PKHD1: variants seen among roughly 807,000 people sequenced by gnomAD.
The protein encoded by PKHD1 is PKHD1 ciliary IPT domain containing fibrocystin/polyductin.
In PKHD1, 291 loss-of-function variants were observed where a neutral mutation model predicts 412.0. The ratio of observed to expected loss-of-function variants is 0.71; its 90% CI spans 0.64 to 0.78. PKHD1 has a LOEUF of 0.78. Ranked by LOEUF, PKHD1 falls within the 30% of genes least tolerant of loss-of-function variation. The probability of loss-of-function intolerance (pLI) is 0.00; values close to 1 mark genes in which losing one functional copy is unlikely to be tolerated. For missense variants in PKHD1, 4,825 were observed against 4,950.7 expected, an observed-to-expected ratio of 0.97 and a Z score of 0.76; for synonymous variants, 1,777 against 1,821.5, an observed-to-expected ratio of 0.98 and a Z score of 0.62.
intron 63 of PKHD1, among the ~76,000 whole-genome samples, chr6:51,644,759 A>G (rs981865054): frequency 6.6e-6 from 1 of 152,198 alleles, no homozygotes; most frequent in South Asian, 2.1e-4. Flanking sequence ...GGCTCACTGC[A>G]ACCTCCACCT....
At chr6:51,701,373 A>G (rs569963703) in intron 60 of PKHD1, among the ~76,000 whole-genome samples, 3 of 152,266 alleles carry the variant, frequency 2.0e-5, no homozygotes, top group Admixed American at 6.6e-5. Flanking sequence ...TCATTCACAG[A>G]TGTCACCAAC....
chr6:51,646,005 C>G (rs1770037432), intron 63 of PKHD1, among the ~76,000 whole-genome samples: 1 of 152,160 alleles, frequency 6.6e-6, no homozygotes, highest in African/African-American at 2.4e-5. Context: ...TCTTGGGACA[C>G]TTTTTAAATT....
intron 60 of PKHD1, among the ~76,000 whole-genome samples, chr6:51,686,339 C>T (rs966770938): frequency 1.3e-5 from 2 of 152,130 alleles, no homozygotes; most frequent in African/African-American, 4.8e-5. Flanking sequence ...TCTGCTAATT[C>T]CCTTCCTGGT....
At chr6:51,748,831 A>T (rs1433631001) in intron 57 of PKHD1, among the ~76,000 whole-genome samples, 166 bp from the exon 58 acceptor site, 2 of 152,216 alleles carry the variant, frequency 1.3e-5, no homozygotes, top group Non-Finnish European at 2.9e-5. Context: ...AAAATGTAGG[A>T]ATCATTACAA....
Position 52,043,685 on chromosome 6 carries a change from A to G in PKHD1, c.2761T>C (p.Cys921Arg). 6.2e-7 allele frequency: 1 copy of G among 1,613,660 alleles called. No homozygotes were observed. Among genetic ancestry groups the G allele is most frequent in the Non-Finnish European group, 8.5e-7 (1 of 1,179,606 alleles). ...GACCCTTGGAGGTACTGGAAAGAGC[A>G]GGAACCTGGGCAATGAGCTGGTACA... ...NDVPAHCPGSCSFQYLQGSTP... is the reference protein window; with the variant it reads ...NDVPAHCPGSRSFQYLQGSTP... Residue 921 changes from cysteine (C) to arginine (R), a missense_variant, in exon 26 of 67, where the codon TGC becomes CGC. Physicochemically the swap from Cys to Arg is radical, Grantham distance 180. Coordinates refer to ENST00000371117, the MANE Select transcript of PKHD1 (RefSeq NM_138694.4).
intron 53 of PKHD1, among the ~76,000 whole-genome samples, chr6:51,781,808 T>C (rs1792060428): frequency 6.6e-6 from 1 of 152,064 alleles, no homozygotes; most frequent in South Asian, 2.1e-4. Context: ...AAGCTCTTCC[T>C]AGCAAGTAAT....
chr6:51,955,802 T>A (rs930104119), intron 36 of PKHD1, among the ~76,000 whole-genome samples: 5 of 152,080 alleles, frequency 3.3e-5, no homozygotes, highest in Non-Finnish European at 2.9e-5. Context: ...TCGGTTAAAA[T>A]CTTTTGAAGA....
intron 60 of PKHD1, among the ~76,000 whole-genome samples, chr6:51,667,713 G>A (rs368422242): frequency 6.7e-6 from 1 of 149,096 alleles, no homozygotes; most frequent in African/African-American, 2.5e-5. Flanking sequence ...ATCTTGAATT[G>A]ATTTTTGTAT....
At position 52,028,242 on chromosome 6, in the gene PKHD1, C is replaced by T. The variant is rs886061619; in HGVS notation, c.3474G>A (p.Trp1158Ter). Residue 1158 changes from tryptophan to a stop codon, truncating the protein, a stop_gained, in exon 30 of 67, where the codon TGG becomes TGA. Coordinates refer to ENST00000371117, the MANE Select transcript of PKHD1 (RefSeq NM_138694.4). LOFTEE classifies it high-confidence loss of function. Reference protein sequence around the residue: ...ALAPVHTQSAWGLEVALPPLP... With the variant: ...ALAPVHTQSA Reference sequence around the variant, plus strand: ...GTGGGGGCAGTGCCACCTCCAGGCCCCAAGCCGACTGTGTGTGAACCGGAG... The same window carrying T: ...GTGGGGGCAGTGCCACCTCCAGGCCTCAAGCCGACTGTGTGTGAACCGGAG... 4 of 1,614,170 alleles carry T rather than the reference C, an allele frequency of 2.5e-6. No homozygotes were observed. The highest frequency in any genetic ancestry group is 3.4e-6 in the Non-Finnish European group (4 of 1,180,014).
chr6:51,655,172 C>A (rs774435146), intron 61 of PKHD1, among the ~76,000 whole-genome samples: 1 of 151,982 alleles, frequency 6.6e-6, no homozygotes, highest in African/African-American at 2.4e-5. Flanking sequence ...GACAAGCTGG[C>A]AATATAGGAA....
chr6:51,773,723 T>C (rs1307678784), intron 54 of PKHD1, among the ~76,000 whole-genome samples: 1 of 150,690 alleles, frequency 6.6e-6, no homozygotes, highest in East Asian at 1.9e-4. Flanking sequence ...TCAGAAAACA[T>C]AGAAATAAAA....
At chr6:51,979,432 T>C (rs1006588204) in intron 35 of PKHD1, among the ~76,000 whole-genome samples, 7 of 152,186 alleles carry the variant, frequency 4.6e-5, no homozygotes, top group African/African-American at 1.7e-4. Context: ...ACAGCCATTC[T>C]GATCTCTCTG....
intron 13 of PKHD1, among the ~76,000 whole-genome samples, chr6:52,063,771 C>A (rs915087124): frequency 1.3e-5 from 2 of 152,196 alleles, no homozygotes; most frequent in African/African-American, 4.8e-5. Flanking sequence ...TGCTACGTGT[C>A]CCCCGAGGGG....
intron 36 of PKHD1, among the ~76,000 whole-genome samples, chr6:51,953,302 AC>A (rs1254891205): frequency 3.3e-5 from 5 of 152,090 alleles, no homozygotes; most frequent in African/African-American, 9.7e-5. Context: ...GAGAAAAAAA[AC>A]AAATTATTGT....
intron 27 of PKHD1, among the ~76,000 whole-genome samples, chr6:52,037,916 T>G (rs1400612936): frequency 7.9e-5 from 12 of 152,200 alleles, no homozygotes; most frequent in African/African-American, 2.9e-4. Flanking sequence ...TGTTTAGGGC[T>G]GAATTATGTC....
chr6:51,758,998 C>T (rs1197692857), intron 55 of PKHD1, among the ~76,000 whole-genome samples: 1 of 152,104 alleles, frequency 6.6e-6, no homozygotes, highest in African/African-American at 2.4e-5. Context: ...GTACATATCA[C>T]AAAACATGCC....
intron 35 of PKHD1, among the ~76,000 whole-genome samples, chr6:51,967,674 G>C (rs902844770): frequency 1.4e-4 from 21 of 151,840 alleles, no homozygotes; most frequent in Non-Finnish European, 4.4e-5. Context: ...GTGTGTGTGT[G>C]TGTATGCCAC....
rs188719616 is a variant in PKHD1 at position 51,937,649 on chromosome 6, C to A, written c.5909-3327G>T. 1.3e-3 allele frequency among the ~76,000 whole-genome samples: 198 copies of A among 152,312 alleles called. 2 individuals are homozygous for A. Among genetic ancestry groups the A allele is most frequent in the African/African-American group, 4.6e-3 (190 of 41,570 alleles). ...TCACGGGATGTATACTTGGACCAGA[C>A]CCCTTCAAGGACCTTTTCTTTCAGT... On this transcript the variant is annotated intron_variant, in intron 36 of 66. Coordinates refer to ENST00000371117, the MANE Select transcript of PKHD1 (RefSeq NM_138694.4).
At chr6:52,031,458 A>G (rs2128159976) in intron 29 of PKHD1, among the ~76,000 whole-genome samples, 1 of 152,324 alleles carries the variant, frequency 6.6e-6, no homozygotes, top group East Asian at 1.9e-4. Flanking sequence ...GGCATAGTGG[A>G]GCTCTCTGAA....
Sources: gnomAD v4.1 joint callset for allele counts (sites outside exome capture counted in the v4.1 genomes callset) on GRCh38, gnomAD v4.1.1 for gene constraint, MANE v1.5 for transcripts, NCBI Gene and HGNC (gene_info 2026-07-23, HGNC 2026-07-21) for gene names.